Variants in CHD8 observed in about 807,000 individuals in gnomAD.
CHD8 encodes the protein chromodomain helicase DNA binding protein 8, also known as ATP-dependent chromatin remodeler CHD8.
Under a neutral mutation model 279.2 loss-of-function variants are expected in CHD8, and 31 were observed. The ratio of observed to expected loss-of-function variants is 0.11; its 90% CI spans 0.08 to 0.15. The LOEUF (loss-of-function observed/expected upper bound fraction) is 0.15. Among genes scored for constraint, CHD8 ranks in the 10% least tolerant of loss-of-function variants. The probability of loss-of-function intolerance (pLI) is 1.00; values close to 1 mark genes in which losing one functional copy is unlikely to be tolerated. For missense variants in CHD8, 2,146 were observed against 3,230.5 expected (o/e 0.66, Z 8.14); for synonymous variants, 1,081 against 1,139.6 (o/e 0.95, Z 1.04).
At position 21,394,060 on chromosome 14, in the gene CHD8, A is replaced by C; in HGVS notation, c.5735T>G (p.Leu1912Trp). The C allele has an allele frequency of 6.2e-7, 1 of 1,613,964 alleles. No homozygotes were observed. Among genetic ancestry groups the C allele is most frequent in the East Asian group, 2.2e-5 (1 of 44,878 alleles). Residue 1912 changes from leucine to tryptophan, a missense_variant, in exon 32 of 38, where the codon TTG (leucine) becomes TGG (tryptophan). Physicochemically the swap from Leu to Trp is moderately conservative, Grantham distance 61. Coordinates refer to ENST00000646647, the MANE Select transcript of CHD8 (RefSeq NM_001170629.2). ...CAATTCAGGACCAGGAGGCTGACAC[A>C]ATGCCAGCCGATCTTCCAAAAGGGG... ...CHPLLEDRLA[L>W]CQPPGPELPK...
At chr14:21,395,950 A>T in intron 27 of CHD8, 58 bp from the exon 28 acceptor site, 1 of 1,130,152 alleles carries the variant, frequency 8.8e-7, no homozygotes, top group Non-Finnish European at 1.3e-6. Flanking sequence ...TCACTAAGGG[A>T]ACCTAGGATG....
chr14:21,416,602 C>T (rs949440973), intron 5 of CHD8: 19 of 150,852 alleles, frequency 1.3e-4, no homozygotes, highest in Admixed American at 1.1e-3. Context: ...CCCGTCTCTG[C>T]TAAAAATACA....
chr14:21,393,402 A>G, intron 32 of CHD8, 74 bp downstream of exon 32: 7 of 1,497,060 alleles, frequency 4.7e-6, no homozygotes, highest in Non-Finnish European at 6.2e-6. Flanking sequence ...TCTCAAGAGG[A>G]TGCATTTAGA....
At chr14:21,390,266 A>C (rs918658055) in intron 37 of CHD8, among the ~76,000 whole-genome samples, 1 of 152,194 alleles carries the variant, frequency 6.6e-6, no homozygotes, top group Non-Finnish European at 1.5e-5. Flanking sequence ...AAATTGCTTT[A>C]AAACCCTCAC....
At position 21,431,396 on chromosome 14, in the gene CHD8, G is replaced by A. The variant is rs1160328003; in HGVS notation, c.248C>T (p.Thr83Ile). 1 of 1,537,286 alleles carries A rather than the reference G, an allele frequency of 6.5e-7. No individual in the cohort carries two copies. The highest frequency in any genetic ancestry group is 1.2e-5 in the South Asian group (1 of 84,066). Residue 83 changes from threonine to isoleucine, a missense_variant, in exon 2 of 38, where the codon ACA becomes ATA. By Grantham distance (89) the Thr-to-Ile change is moderately conservative. Coordinates refer to ENST00000646647, the MANE Select transcript of CHD8 (RefSeq NM_001170629.2). The stretch of plus-strand genomic sequence containing the variant: ...GGTTATGGATTCTGGAGCTGGAGCT[G>A]TGGATTCTTTGGAAAGTTCTGTGGG... ...TAPTELSKES[T>I]APAPESITLH...
intron 2 of CHD8, chr14:21,429,804 A>G (rs1321268522): frequency 4.6e-6 from 1 of 219,502 alleles, no homozygotes; most frequent in Non-Finnish European, 9.4e-6. Context: ...CACCATGCCC[A>G]GCTAATTTTT....
chr14:21,449,160 C>G (rs997068260), intron 1 of CHD8, among the ~76,000 whole-genome samples: 4 of 151,764 alleles, frequency 2.6e-5, no homozygotes, highest in African/African-American at 7.3e-5. Flanking sequence ...GGCGACAGAG[C>G]GAGACTTCAT....
At chr14:21,390,817 C>G (rs892614699) in intron 37 of CHD8, 130 bp downstream of exon 37, 12 of 583,778 alleles carry the variant, frequency 2.1e-5, no homozygotes, top group African/African-American at 1.7e-4. Context: ...TATTGGTGAA[C>G]TCAAGATAAT....
At chr14:21,410,460 T>C (rs1234726061) in intron 10 of CHD8, among the ~76,000 whole-genome samples, 3 of 152,138 alleles carry the variant, frequency 2.0e-5, no homozygotes, top group Non-Finnish European at 2.9e-5. Flanking sequence ...AGCACTTACA[T>C]GGTGATAAAG....
chr14:21,453,954 G>A (rs950491310), intron 1 of CHD8, among the ~76,000 whole-genome samples: 1 of 151,290 alleles, frequency 6.6e-6, no homozygotes, highest in East Asian at 1.9e-4. Context: ...AGAAGTTCAA[G>A]ACCAGCCTAG....
At chr14:21,392,398 T>C in intron 34 of CHD8, 109 bp downstream of exon 34, 1 of 1,123,382 alleles carries the variant, frequency 8.9e-7, no homozygotes, top group Non-Finnish European at 1.3e-6. Context: ...TGTTTTCTCA[T>C]TTTTAAAATT....
At chr14:21,437,368 A>G (rs1260553085) in intron 1 of CHD8, 4 of 651,216 alleles carry the variant, frequency 6.1e-6, no homozygotes, top group South Asian at 3.4e-5. Context: ...GGGTGGGACT[A>G]TAAGGAGCTC....
chr14:21,415,720 C>T lies in CHD8; in HGVS notation c.1899+5G>A, dbSNP rs1555316496. The T allele has an allele frequency of 6.2e-7, 1 of 1,613,614 alleles. No individual in the cohort carries two copies. The highest frequency in any genetic ancestry group is 8.5e-7 in the Non-Finnish European group (1 of 1,179,774). ...CCTCTGAAATCATTTGAGTTTACAG[C>T]TTACCACAAAGAACTGCATGGAAGG... On this transcript the variant is annotated splice_donor_5th_base_variant and intron_variant, in intron 6 of 37. Coordinates refer to ENST00000646647, the MANE Select transcript of CHD8 (RefSeq NM_001170629.2).
At chr14:21,394,626 G>T in intron 30 of CHD8, 141 bp from the exon 31 acceptor site, 1 of 479,948 alleles carries the variant, frequency 2.1e-6, no homozygotes, top group Non-Finnish European at 3.5e-6. Flanking sequence ...AAAAAAAAAG[G>T]CCCAGAAGAG....
At chr14:21,401,915 GGTCTCTGT>G (rs1566422197) in intron 20 of CHD8, 34 bp downstream of exon 20, 1 of 1,517,368 alleles carries the variant, frequency 6.6e-7, no homozygotes, top group Non-Finnish European at 9.0e-7. Context: ...TAGAGATTCC[GGTCTCTGT>G]GTTTTTCTAG....
intron 26 of CHD8, 101 bp from the exon 27 acceptor site, chr14:21,398,053 C>T: frequency 8.8e-7 from 1 of 1,130,214 alleles, no homozygotes; most frequent in Middle Eastern, 2.1e-4. Context: ...CTATATTGCT[C>T]ATAATGGAAA....
chr14:21,408,186 G>A lies in CHD8; in HGVS notation c.2730+126C>T, dbSNP rs1751197650. On this transcript the variant is annotated intron_variant, in intron 13 of 37. Transcript: ENST00000646647. This position sits in a 1 kb window ranked among gnomAD's most constrained non-coding sequence, Gnocchi z 4.3. ...CTATACAAAAATGCCTTAAACCATA[G>A]GCATTTTTGCATAGGCATATTGAAG... 8.4e-7 allele frequency: 1 copy of A among 1,196,674 alleles called. No individual in the cohort carries two copies. The highest frequency in any genetic ancestry group is 1.2e-6 in the Non-Finnish European group (1 of 861,058). 74.1% of individuals were successfully genotyped at this position (1,196,674 alleles called of 1,614,324 possible). A position where few individuals can be genotyped will look rare whatever the true frequency, so the allele number is the denominator to read the frequency against.
chr14:21,394,807 G>C (rs1005013547), intron 30 of CHD8, 105 bp downstream of exon 30: 11 of 1,207,012 alleles, frequency 9.1e-6, no homozygotes, highest in Non-Finnish European at 1.3e-5. Flanking sequence ...CAGAAAAGAT[G>C]GTCCCTCTGT....
In CHD8 at chr14:21,408,603, T is replaced by TA. The variant is rs145389674; in HGVS notation, c.2487-49dup. On this transcript the variant is annotated intron_variant, in intron 12 of 37. Transcript: ENST00000646647. This position sits in a 1 kb window ranked among gnomAD's most constrained non-coding sequence, Gnocchi z 4.3. ...AAAAAATGTTAAAAGATACTATCTTTAAAAAAAATAGAGTATGTAGGAAGA... is the reference window on the plus strand; with the variant it reads ...AAAAAATGTTAAAAGATACTATCTTTAAAAAAAAATAGAGTATGTAGGAAGA... The TA allele has an allele frequency of 0.031, 48,537 of 1,567,400 alleles. 1,474 individuals carry two copies. The highest frequency in any genetic ancestry group is 0.17 in the African/African-American group (12,052 of 72,142).
Sources: gnomAD v4.1 joint callset for allele counts (sites outside exome capture counted in the v4.1 genomes callset) on GRCh38, gnomAD v4.1.1 for gene constraint, Gnocchi (gnomAD v3.1) non-coding constraint, MANE v1.5 for transcripts, NCBI Gene and HGNC (gene_info 2026-07-23, HGNC 2026-07-21) for gene names.